ACBD6: variants seen among roughly 807,000 people sequenced by gnomAD.
The protein encoded by ACBD6 is acyl-CoA-binding domain-containing protein 6.
In ACBD6, 28 loss-of-function variants were observed where a neutral mutation model predicts 37.2. The ratio of observed to expected loss-of-function variants is 0.75; its 90% CI spans 0.56 to 1.03. The LOEUF is 1.03. Ranked by LOEUF, ACBD6 falls within the 50% of genes least tolerant of loss-of-function variation. The probability of loss-of-function intolerance (pLI) is 0.00; values close to 1 mark genes in which losing one functional copy is unlikely to be tolerated. For missense variants in ACBD6, 340 were observed against 337.4 expected (o/e 1.01, Z -0.06); for synonymous variants, 113 against 126.8 (o/e 0.89, Z 0.73).
chr1:180,359,349 G>A (rs941126885), intron 6 of ACBD6, among the ~76,000 whole-genome samples: 4 of 151,914 alleles, frequency 2.6e-5, no homozygotes, highest in African/African-American at 7.3e-5. Flanking sequence ...TGAGTGAGAT[G>A]GATTTTTTTT....
chr1:180,481,559 A>C (rs911650592), intron 3 of ACBD6, among the ~76,000 whole-genome samples: 2 of 152,208 alleles, frequency 1.3e-5, no homozygotes, highest in African/African-American at 4.8e-5. Flanking sequence ...GTTAGTCTTT[A>C]ACCAAAAATG....
intron 3 of ACBD6, among the ~76,000 whole-genome samples, chr1:180,440,018 C>T (rs890711684): frequency 6.6e-6 from 1 of 152,154 alleles, no homozygotes; most frequent in African/African-American, 2.4e-5. Context: ...ATATAATTTT[C>T]CTTTCATGTG....
At chr1:180,438,644 T>C (rs1278311395) in intron 3 of ACBD6, among the ~76,000 whole-genome samples, 1 of 152,144 alleles carries the variant, frequency 6.6e-6, no homozygotes, top group Non-Finnish European at 1.5e-5. Flanking sequence ...GAACAAAAAA[T>C]AGGGTTATCT....
chr1:180,435,242 C>T (rs1306549338), intron 3 of ACBD6: 6 of 656,818 alleles, frequency 9.1e-6, no homozygotes, highest in South Asian at 4.4e-5. Context: ...GCTGGCTGGC[C>T]GGCTACCAGA....
intron 4 of ACBD6, among the ~76,000 whole-genome samples, chr1:180,421,348 G>T (rs1327191444): frequency 6.6e-6 from 1 of 152,144 alleles, no homozygotes; most frequent in African/African-American, 2.4e-5. Flanking sequence ...ACATGATCTT[G>T]TTCCTTTTTA....
intron 2 of ACBD6, among the ~76,000 whole-genome samples, 157 bp downstream of exon 2, chr1:180,495,304 T>C (rs1651689052): frequency 6.6e-6 from 1 of 152,218 alleles, no homozygotes; most frequent in Non-Finnish European, 1.5e-5. Flanking sequence ...TAAAAGTAGA[T>C]TTCTTTAATC....
intron 9 of ACBD6, among the ~76,000 whole-genome samples, chr1:180,279,306 T>A (rs72712995): frequency 0.14 from 20,851 of 151,936 alleles, 1,674 homozygotes; most frequent in Non-Finnish European, 0.2. Flanking sequence ...ATTTTTAAAA[T>A]TTTTTTTTGA....
In ACBD6 at chr1:180,466,963, A is replaced by T. The variant is rs1007093351; in HGVS notation, c.384+25306T>A. ...AGATGTACCTGTAAAAACATCTACA[A>T]TAAAGTTTAAATTTTAGTTCCTATA... On this transcript the variant is annotated intron_variant, in intron 3 of 7. Coordinates refer to ENST00000367595, the MANE Select transcript of ACBD6 (RefSeq NM_032360.4). Among the ~76,000 whole-genome samples, 3 of 152,132 alleles carry T rather than the reference A, an allele frequency of 2.0e-5. No homozygotes were observed. In the South Asian group the frequency reaches 6.2e-4, roughly 31 times the overall value.
At chr1:180,293,902 C>CT (rs111680045) in intron 7 of ACBD6, among the ~76,000 whole-genome samples, 6,600 of 147,806 alleles carry the variant, frequency 0.045, 457 homozygotes, top group African/African-American at 0.15. Context: ...CTTCTATTTC[C>CT]TTTTTTTTTT....
intron 9 of ACBD6, among the ~76,000 whole-genome samples, chr1:180,280,795 T>G (rs1241762355): frequency 6.6e-6 from 1 of 152,100 alleles, no homozygotes; most frequent in Non-Finnish European, 1.5e-5. Context: ...ACTAGCCCAG[T>G]CTCTTGGGTG....
chr1:180,430,857 C>A (rs985172704), intron 3 of ACBD6, among the ~76,000 whole-genome samples: 7 of 152,020 alleles, frequency 4.6e-5, no homozygotes, highest in African/African-American at 1.7e-4. Context: ...TCAAAACACA[C>A]AAGAGTAAAA....
At position 180,376,687 on chromosome 1, in the gene ACBD6, A is replaced by G. The variant is rs569678177; in HGVS notation, c.663+20829T>C. On this transcript the variant is annotated intron_variant, in intron 6 of 7. Coordinates refer to ENST00000367595, the MANE Select transcript of ACBD6 (RefSeq NM_032360.4). ...AAAAGATAAATCAGAAACAAAGGAG[A>G]CTGGTTACCTGTAGGGAGTGGGTGA... Among the ~76,000 whole-genome samples the G allele has an allele frequency of 3.9e-5, 6 of 152,250 alleles. No individual in the cohort carries two copies. In the South Asian group the frequency reaches 8.3e-4, roughly 21 times the overall value.
intron 3 of ACBD6, among the ~76,000 whole-genome samples, chr1:180,465,383 T>A (rs545492731): frequency 5.3e-4 from 80 of 152,118 alleles, no homozygotes; most frequent in African/African-American, 1.8e-3. Flanking sequence ...AAAGAAGACA[T>A]ACATGTGGCC....
chr1:180,333,943 T>C (rs565622540), intron 6 of ACBD6, among the ~76,000 whole-genome samples: 1 of 152,268 alleles, frequency 6.6e-6, no homozygotes, highest in Non-Finnish European at 1.5e-5. Flanking sequence ...GAGATCAAAC[T>C]GCAAGGCGGC....
In ACBD6 at chr1:180,297,274, G is replaced by T. The variant is rs569445182; in HGVS notation, c.695-8757C>A. Among the ~76,000 whole-genome samples, 4 of 152,244 alleles carry T rather than the reference G, an allele frequency of 2.6e-5. No homozygotes were observed. The South Asian group carries it at 8.3e-4, about 32-fold the overall frequency. On this transcript the variant is annotated intron_variant, in intron 7 of 7. Transcript: ENST00000367595. ...AAACCAGGTTGTGATAGGTACTTGGGATATATTTTGTGATCCTTTACATTA... is the reference window on the plus strand; with the variant it reads ...AAACCAGGTTGTGATAGGTACTTGGTATATATTTTGTGATCCTTTACATTA...
chr1:180,419,391 T>C (rs1317950381), intron 4 of ACBD6, among the ~76,000 whole-genome samples: 1 of 152,232 alleles, frequency 6.6e-6, no homozygotes, highest in African/African-American at 2.4e-5. Context: ...TGCAGCATCT[T>C]ACAATTAAAT....
At chr1:180,444,241 G>C (rs566864759) in intron 3 of ACBD6, among the ~76,000 whole-genome samples, 13 of 148,606 alleles carry the variant, frequency 8.7e-5, no homozygotes, top group African/African-American at 3.0e-4. Flanking sequence ...GTACTTTTAG[G>C]CCACTGCACT....
chr1:180,339,877 T>C (rs938251953), intron 6 of ACBD6, among the ~76,000 whole-genome samples: 1 of 151,044 alleles, frequency 6.6e-6, no homozygotes, highest in Non-Finnish European at 1.5e-5. Flanking sequence ...TACAGAATGC[T>C]GGGAGGTAGG....
At chr1:180,367,125 C>T (rs1300409020) in intron 6 of ACBD6, among the ~76,000 whole-genome samples, 1 of 152,182 alleles carries the variant, frequency 6.6e-6, no homozygotes, top group Non-Finnish European at 1.5e-5. Flanking sequence ...TTAAAATGTT[C>T]GATCTGTAAA....
Sources: allele counts gnomAD v4.1 joint callset (sites outside exome capture counted in the v4.1 genomes callset), GRCh38; gene constraint gnomAD v4.1.1; transcripts MANE v1.5; gene names NCBI Gene and HGNC (gene_info 2026-07-23, HGNC 2026-07-21).